Variants in STK17A observed in about 807,000 individuals in gnomAD.
The protein encoded by STK17A is serine/threonine kinase 17a, also known as serine/threonine-protein kinase 17A.
A neutral mutation model predicts 43.7 loss-of-function variants in STK17A; 26 were observed. The observed-to-expected ratio is 0.60, with a 90% CI of 0.44 to 0.83. The LOEUF is 0.83. STK17A is among the 40% of genes least tolerant of loss of function. The pLI is 0.00. For synonymous variants in STK17A, 191 were observed against 182.5 expected (o/e 1.05, Z -0.38); for missense variants, 476 against 511.6 (o/e 0.93, Z 0.67).
At chr7:43,599,500 C>G (rs2082542347) in intron 2 of STK17A, among the ~76,000 whole-genome samples, 1 of 152,298 alleles carries the variant, frequency 6.6e-6, no homozygotes, top group South Asian at 2.1e-4. Context: ...GCCTTGTATG[C>G]TTAACTTAAT....
At chr7:43,612,005 A>G (rs1357174984) in intron 3 of STK17A, among the ~76,000 whole-genome samples, 2 of 152,242 alleles carry the variant, frequency 1.3e-5, no homozygotes, top group Non-Finnish European at 1.5e-5. Flanking sequence ...AAGTTCTTGA[A>G]TACCAACTTT....
At chr7:43,586,956 G>T (rs528714704) in intron 1 of STK17A, among the ~76,000 whole-genome samples, 1 of 151,158 alleles carries the variant, frequency 6.6e-6, no homozygotes, top group African/African-American at 2.4e-5. Flanking sequence ...AAGCCTGTTT[G>T]GAAAGCCCCA....
intron 4 of STK17A, among the ~76,000 whole-genome samples, chr7:43,620,805 C>CTG (rs1340715784): frequency 6.6e-6 from 1 of 152,126 alleles, no homozygotes; most frequent in Non-Finnish European, 1.5e-5. Context: ...TGAAGGTAGG[C>CTG]TGTCTGGGTC....
chr7:43,601,389 GT>G (rs1012132331), intron 2 of STK17A, among the ~76,000 whole-genome samples: 1 of 152,100 alleles, frequency 6.6e-6, no homozygotes, highest in Non-Finnish European at 1.5e-5. Flanking sequence ...ACGGTTAAAA[GT>G]TTTTTTAAAA....
chr7:43,619,841 T>C (rs2083697314), intron 4 of STK17A, 118 bp downstream of exon 4: 1 of 1,307,042 alleles, frequency 7.7e-7, no homozygotes, highest in African/African-American at 1.5e-5. Flanking sequence ...AATTCTACCA[T>C]CAGAGATCTA....
chr7:43,608,538 C>T (rs1321443963), intron 3 of STK17A, 138 bp downstream of exon 3: 2 of 979,808 alleles, frequency 2.0e-6, no homozygotes, highest in African/African-American at 1.6e-5. Flanking sequence ...GTCTTTACTC[C>T]TATCCTCTAG....
At chr7:43,598,583 C>G (rs1190953491) in intron 2 of STK17A, among the ~76,000 whole-genome samples, 1 of 151,818 alleles carries the variant, frequency 6.6e-6, no homozygotes, top group East Asian at 1.9e-4. Flanking sequence ...TGAAATACTA[C>G]GACAAACAAC....
intron 4 of STK17A, among the ~76,000 whole-genome samples, chr7:43,620,240 G>A (rs900019563): frequency 5.3e-5 from 8 of 152,300 alleles, no homozygotes; most frequent in East Asian, 3.9e-4. Context: ...GGGTGTAGGC[G>A]TATCATCAAA....
intron 1 of STK17A, among the ~76,000 whole-genome samples, chr7:43,584,671 G>T (rs1392587746): frequency 6.6e-6 from 1 of 151,976 alleles, no homozygotes; most frequent in Non-Finnish European, 1.5e-5. Flanking sequence ...AGTTTTTTTT[G>T]GGGGGTGGGG....
At chr7:43,607,187 T>G (rs1282150648) in intron 2 of STK17A, among the ~76,000 whole-genome samples, 2 of 151,916 alleles carry the variant, frequency 1.3e-5, no homozygotes, top group Non-Finnish European at 2.9e-5. Context: ...CCTCCCAAGG[T>G]GCTGGGATTA....
chr7:43,600,264 T>A (rs2082546179), intron 2 of STK17A, among the ~76,000 whole-genome samples: 1 of 152,210 alleles, frequency 6.6e-6, no homozygotes. Flanking sequence ...GCACCTAGCC[T>A]GCATACAACT....
chr7:43,615,799 C>T (rs1480625060), intron 3 of STK17A, among the ~76,000 whole-genome samples: 3 of 152,158 alleles, frequency 2.0e-5, no homozygotes, highest in African/African-American at 7.2e-5. Flanking sequence ...TTCCCTCTGC[C>T]TGGAATGCTT....
intron 3 of STK17A, among the ~76,000 whole-genome samples, chr7:43,612,224 G>A (rs1430346672): frequency 1.3e-5 from 2 of 152,202 alleles, no homozygotes; most frequent in Non-Finnish European, 2.9e-5. Context: ...GGTCCAAAGG[G>A]TTCTCAGCCT....
In STK17A at chr7:43,600,589, G is replaced by A. The variant is rs536429714; in HGVS notation, c.419+4476G>A. On this transcript the variant is annotated intron_variant, in intron 2 of 6. Transcript: ENST00000319357. Reference sequence around the variant, plus strand: ...TTTTATAATGTAAATTTTAAAATAAGTTGTGAATTTCCACCTATCAAACTG... The same window carrying A: ...TTTTATAATGTAAATTTTAAAATAAATTGTGAATTTCCACCTATCAAACTG... Among the ~76,000 whole-genome samples the A allele has an allele frequency of 3.7e-4, 57 of 152,252 alleles. No individual in the cohort carries two copies. In the South Asian group the frequency reaches 0.012, roughly 31 times the overall value.
At chr7:43,602,643 C>T (rs552739880) in intron 2 of STK17A, among the ~76,000 whole-genome samples, 3 of 152,282 alleles carry the variant, frequency 2.0e-5, no homozygotes, top group South Asian at 4.1e-4. Context: ...CTCTCAGAGC[C>T]GTTTATCCTT....
intron 4 of STK17A, among the ~76,000 whole-genome samples, chr7:43,621,734 T>C (rs2083911374): frequency 6.6e-6 from 1 of 152,302 alleles, no homozygotes; most frequent in African/African-American, 2.4e-5. Context: ...TTAAATTTTC[T>C]ATCAAGAGCC....
chr7:43,600,729 CACTTTT>C (rs997350483), intron 2 of STK17A, among the ~76,000 whole-genome samples: 22 of 152,244 alleles, frequency 1.4e-4, no homozygotes, highest in African/African-American at 4.1e-4. Flanking sequence ...TTTAACCCAG[CACTTTT>C]ACTTTTAGAA....
chr7:43,611,004 C>G (rs2082824813), intron 3 of STK17A, among the ~76,000 whole-genome samples: 1 of 152,120 alleles, frequency 6.6e-6, no homozygotes, highest in African/African-American at 2.4e-5. Flanking sequence ...GTAATCCCAG[C>G]TACTTGGGAG....
At chr7:43,612,927 T>C (rs974182078) in intron 3 of STK17A, among the ~76,000 whole-genome samples, 10 of 152,132 alleles carry the variant, frequency 6.6e-5, no homozygotes, top group Non-Finnish European at 1.0e-4. Flanking sequence ...GTTTAATATA[T>C]AAAATGTTGC....
Sources: allele counts gnomAD v4.1 joint callset (sites outside exome capture counted in the v4.1 genomes callset), GRCh38; gene constraint gnomAD v4.1.1; transcripts MANE v1.5; gene names NCBI Gene and HGNC (gene_info 2026-07-23, HGNC 2026-07-21).